SPG11: variants seen among roughly 807,000 people sequenced by gnomAD.
SPG11 encodes the protein spatacsin.
A neutral mutation model predicts 274.0 loss-of-function variants in SPG11; 222 were observed. The ratio of observed to expected loss-of-function variants is 0.81; its 90% CI spans 0.73 to 0.91. The LOEUF is 0.91. Ranked by LOEUF, SPG11 falls within the 40% of genes least tolerant of loss-of-function variation. The probability of loss-of-function intolerance (pLI) is 0.00; values close to 1 mark genes in which losing one functional copy is unlikely to be tolerated. For missense variants in SPG11, 3,114 were observed against 2,872.7 expected (o/e 1.08, Z -1.92); for synonymous variants, 1,144 against 1,039.7 (o/e 1.10, Z -1.93).
intron 39 of SPG11, among the ~76,000 whole-genome samples, chr15:44,563,908 A>G (rs139288830): frequency 6.6e-6 from 1 of 152,344 alleles, no homozygotes; most frequent in Non-Finnish European, 1.5e-5. Flanking sequence ...GGTGCTTGAT[A>G]AAATATTTCT....
Position 44,598,766 on chromosome 15 carries a change from C to T in SPG11, c.3757G>A (p.Ala1253Thr). Residue 1253 changes from alanine to threonine, a missense_variant, in exon 22 of 40, where the codon GCA (alanine) becomes ACA (threonine). Transcript: ENST00000261866. The part of the protein sequence containing the change: ...SSFHIPSIGA[A>T]CVCFLELLGL... ...AGCAATTCTAAGAAACAAACACATG[C>T]AGCTCCTATTGAAGGTATGTGGAAG... 1 of 1,614,232 alleles carries T rather than the reference C, an allele frequency of 6.2e-7. No individual in the cohort carries two copies. The highest frequency in any genetic ancestry group is 1.3e-5 in the African/African-American group (1 of 75,052).
intron 5 of SPG11, 47 bp from the exon 6 acceptor site, chr15:44,651,986 C>T (rs753527525): frequency 3.8e-6 from 6 of 1,584,858 alleles, no homozygotes; most frequent in East Asian, 2.2e-5. Flanking sequence ...CAGTAAAAGG[C>T]ACTATGTAAA....
intron 6 of SPG11, among the ~76,000 whole-genome samples, chr15:44,649,552 A>G (rs1162443148): frequency 6.6e-6 from 1 of 152,060 alleles, no homozygotes; most frequent in Admixed American, 6.6e-5. Flanking sequence ...TCTTTAAAAC[A>G]CTGACCACAA....
intron 5 of SPG11, 85 bp downstream of exon 5, chr15:44,652,044 A>C: frequency 6.3e-7 from 1 of 1,581,108 alleles, no homozygotes; most frequent in Admixed American, 1.8e-5. Flanking sequence ...AGTATCTATC[A>C]AATAAAGACC....
intron 30 of SPG11, among the ~76,000 whole-genome samples, chr15:44,581,042 T>C (rs1243251910): frequency 6.6e-6 from 1 of 151,652 alleles, no homozygotes; most frequent in East Asian, 1.9e-4. Context: ...ATAATCAAAC[T>C]GCTGAAGACC....
intron 7 of SPG11, among the ~76,000 whole-genome samples, chr15:44,635,416 G>C (rs994584249): frequency 6.6e-6 from 1 of 151,432 alleles, no homozygotes; most frequent in Non-Finnish European, 1.5e-5. Context: ...TTCTAAAAAG[G>C]TTTTAGTAAA....
intron 29 of SPG11, 119 bp downstream of exon 29, chr15:44,585,517 G>A: frequency 1.3e-6 from 1 of 759,492 alleles, no homozygotes; most frequent in Non-Finnish European, 2.2e-6. Flanking sequence ...CAGGAGAATT[G>A]CATGAACCCG....
At chr15:44,630,722 G>A (rs910660722) in intron 8 of SPG11, among the ~76,000 whole-genome samples, 15 of 152,060 alleles carry the variant, frequency 9.9e-5, no homozygotes, top group African/African-American at 3.6e-4. Context: ...TGGGATTACA[G>A]ACATGCACCA....
Position 44,659,074 on chromosome 15 carries a change from G to A in SPG11, c.667+5C>T, listed in dbSNP as rs375485062. 2.4e-5 allele frequency: 39 copies of A among 1,613,420 alleles called. No homozygotes were observed. In the African/African-American group the frequency reaches 5.1e-4, roughly 21 times the overall value. ...ATCAATCAACACTTCTACCACCAAGGATACAGATCCAGCCTAAACTACTCA... is the reference window on the plus strand; with the variant it reads ...ATCAATCAACACTTCTACCACCAAGAATACAGATCCAGCCTAAACTACTCA... On this transcript the variant is annotated splice_donor_5th_base_variant and intron_variant, in intron 3 of 39. Coordinates refer to ENST00000261866, the MANE Select transcript of SPG11 (RefSeq NM_025137.4).
chr15:44,572,539 T>G, intron 33 of SPG11, 144 bp downstream of exon 33: 1 of 791,862 alleles, frequency 1.3e-6, no homozygotes, highest in South Asian at 1.5e-5. Context: ...AAGTTAAGGC[T>G]TTCTACCAAG....
chr15:44,632,278 C>T (rs1423034957), intron 8 of SPG11, among the ~76,000 whole-genome samples: 2 of 152,104 alleles, frequency 1.3e-5, no homozygotes, highest in Admixed American at 6.6e-5. Flanking sequence ...TAGTTGACTC[C>T]ATTTTGATTT....
chr15:44,571,618 C>T (rs972013194), intron 33 of SPG11, among the ~76,000 whole-genome samples: 1 of 151,866 alleles, frequency 6.6e-6, no homozygotes, highest in South Asian at 2.1e-4. Context: ...CTGCTTCAGC[C>T]TCCCGAGTAG....
chr15:44,641,289 T>C (rs1415229233), intron 7 of SPG11, among the ~76,000 whole-genome samples: 2 of 151,898 alleles, frequency 1.3e-5, no homozygotes, highest in African/African-American at 4.8e-5. Flanking sequence ...TGAAAAACTT[T>C]TAGGAAAAAA....
chr15:44,588,734 T>C (rs905343552), intron 28 of SPG11: 2 of 363,306 alleles, frequency 5.5e-6, no homozygotes, highest in African/African-American at 2.1e-5. Flanking sequence ...CAACCTTTGA[T>C]CAACCGCGGG....
At chr15:44,653,278 T>C (rs1229249181) in intron 4 of SPG11, among the ~76,000 whole-genome samples, 2 of 152,168 alleles carry the variant, frequency 1.3e-5, no homozygotes, top group Non-Finnish European at 2.9e-5. Flanking sequence ...GGATTTTATC[T>C]CTTTGAACAC....
chr15:44,629,478 TA>T, intron 8 of SPG11, 90 bp from the exon 9 acceptor site: 1 of 1,412,002 alleles, frequency 7.1e-7, no homozygotes. Flanking sequence ...ACAATATTTT[TA>T]AACATAAAAC....
chr15:44,657,068 A>T, intron 4 of SPG11, 27 bp downstream of exon 4: 1 of 1,605,344 alleles, frequency 6.2e-7, no homozygotes, highest in South Asian at 1.1e-5. Context: ...ATTTACCTCA[A>T]ATTAGAAACT....
chr15:44,582,836 A>C (rs1220320526), intron 30 of SPG11, among the ~76,000 whole-genome samples: 3 of 152,202 alleles, frequency 2.0e-5, no homozygotes, highest in Admixed American at 6.5e-5. Context: ...TATGATAAAA[A>C]TTCTCAGCAA....
At position 44,570,611 on chromosome 15, in the gene SPG11, G is replaced by T. The variant is rs775209503; in HGVS notation, c.6391C>A (p.His2131Asn). 7 of 1,613,962 alleles carry T rather than the reference G, an allele frequency of 4.3e-6. No individual in the cohort carries two copies. The highest frequency in any genetic ancestry group is 1.3e-5 in the African/African-American group (1 of 74,906). Residue 2131 changes from histidine to asparagine, a missense_variant, in exon 34 of 40, where the codon CAC (histidine) becomes AAC (asparagine). By Grantham distance (68) the His-to-Asn change is moderately conservative. Coordinates refer to ENST00000261866, the MANE Select transcript of SPG11 (RefSeq NM_025137.4). ...LAHHCFTLTC[H>N]MEGIIRVLQA... ...AGGACTCGGATGATGCCCTCCATGT[G>T]GCACGTCAGGGTGAAGCAATGATGG... is the stretch of plus-strand genomic sequence containing the variant.
Sources: gnomAD v4.1 joint callset for allele counts (sites outside exome capture counted in the v4.1 genomes callset) on GRCh38, gnomAD v4.1.1 for gene constraint, MANE v1.5 for transcripts, NCBI Gene and HGNC (gene_info 2026-07-23, HGNC 2026-07-21) for gene names.